The following LEPR variants were observed in gnomAD, a reference collection of about 807,000 sequenced individuals.
LEPR encodes leptin receptor, also known as OB receptor.
In LEPR, 56 loss-of-function variants were observed where a neutral mutation model predicts 114.7. The ratio of observed to expected loss-of-function variants is 0.49; its 90% CI spans 0.39 to 0.61. LEPR has a LOEUF of 0.61. Ranked by LOEUF, LEPR falls within the 20% of genes least tolerant of loss-of-function variation. The pLI is 0.00. For missense variants in LEPR, 1,202 were observed against 1,352.9 expected, an observed-to-expected ratio of 0.89 and a Z score of 1.75; for synonymous variants, 443 against 461.4, an observed-to-expected ratio of 0.96 and a Z score of 0.51.
chr1:65,524,007 C>T (rs192609398), intron 2 of LEPR, among the ~76,000 whole-genome samples: 121 of 152,140 alleles, frequency 8.0e-4, no homozygotes, highest in Non-Finnish European at 1.4e-3. Flanking sequence ...GGCCACAAGC[C>T]AAAGAATTCC....
At chr1:65,636,103 C>A in intron 19 of LEPR, 88 bp from the exon 20 acceptor site, 1 of 1,437,980 alleles carries the variant, frequency 7.0e-7, no homozygotes, top group South Asian at 1.2e-5. Context: ...TTATTATTAA[C>A]TTAACACACT....
chr1:65,525,875 A>T, intron 2 of LEPR: 1 of 974,264 alleles, frequency 1.0e-6, no homozygotes, highest in Non-Finnish European at 1.2e-6. Context: ...CGCTCTGGGT[A>T]ACTCGAGAAT....
chr1:65,477,869 T>G (rs1002217836), intron 2 of LEPR, among the ~76,000 whole-genome samples: 9 of 152,228 alleles, frequency 5.9e-5, no homozygotes, highest in African/African-American at 2.2e-4. Flanking sequence ...CTGCTTTCAG[T>G]GCTATTTAGT....
intron 2 of LEPR, among the ~76,000 whole-genome samples, chr1:65,515,481 A>AT (rs1265076943): frequency 6.6e-6 from 1 of 152,158 alleles, no homozygotes; most frequent in East Asian, 1.9e-4. Context: ...TCTCATATTT[A>AT]TTTTTTAATA....
chr1:65,627,196 T>C (rs560003181), intron 19 of LEPR, among the ~76,000 whole-genome samples: 2 of 152,290 alleles, frequency 1.3e-5, no homozygotes, highest in South Asian at 4.1e-4. Flanking sequence ...ACCCGTGCCA[T>C]CAGTTCCATA....
chr1:65,635,915 A>C (rs1170971754), intron 19 of LEPR, among the ~76,000 whole-genome samples: 1 of 152,178 alleles, frequency 6.6e-6, no homozygotes, highest in Non-Finnish European at 1.5e-5. Flanking sequence ...AGAGATGATG[A>C]AATTGAAAGG....
intron 5 of LEPR, among the ~76,000 whole-genome samples, chr1:65,590,131 T>G (rs1247343488): frequency 6.6e-6 from 1 of 151,864 alleles, no homozygotes; most frequent in Non-Finnish European, 1.5e-5. Context: ...GTGCAGATCC[T>G]AAACATCTTT....
intron 2 of LEPR, among the ~76,000 whole-genome samples, chr1:65,491,994 T>A (rs1378266852): frequency 1.3e-5 from 2 of 152,156 alleles, no homozygotes; most frequent in Non-Finnish European, 2.9e-5. Flanking sequence ...AAGAATACTG[T>A]TTCTACCCAT....
At chr1:65,429,198 G>C (rs973748892) in intron 2 of LEPR, among the ~76,000 whole-genome samples, 1 of 152,112 alleles carries the variant, frequency 6.6e-6, no homozygotes, top group Non-Finnish European at 1.5e-5. Flanking sequence ...AAAGGAATCT[G>C]TCAGTTTAGA....
chr1:65,614,220 G>A (rs1450946240), intron 14 of LEPR, among the ~76,000 whole-genome samples: 1 of 152,108 alleles, frequency 6.6e-6, no homozygotes, highest in Non-Finnish European at 1.5e-5. Flanking sequence ...AAAATGAAAC[G>A]ATTCTGTATA....
intron 19 of LEPR, chr1:65,630,306 A>T (rs941691214): frequency 7.6e-6 from 2 of 264,258 alleles, no homozygotes; most frequent in Non-Finnish European, 1.5e-5. Context: ...TGCATAGGAA[A>T]ACCAGAGACC....
At chr1:65,442,945 A>T (rs1004094249) in intron 2 of LEPR, among the ~76,000 whole-genome samples, 2 of 152,234 alleles carry the variant, frequency 1.3e-5, no homozygotes, top group South Asian at 2.1e-4. Flanking sequence ...TAGAGGGAAG[A>T]AGTACCAGCC....
chr1:65,604,366 A>C (rs1259363316), intron 10 of LEPR, among the ~76,000 whole-genome samples: 2 of 151,806 alleles, frequency 1.3e-5, no homozygotes, highest in African/African-American at 4.8e-5. Flanking sequence ...TTTGTTTTTG[A>C]GACAGTCTCC....
chr1:65,572,293 T>TC (rs2100812984), intron 4 of LEPR, 33 bp from the exon 5 acceptor site: 1 of 1,055,554 alleles, frequency 9.5e-7, no homozygotes, highest in Admixed American at 3.4e-5. Context: ...TGTAGTTGTT[T>TC]TTTTTTTTTT....
chr1:65,437,513 CAGTCACAAAAGGCCATAAAA>C (rs1361976926), intron 2 of LEPR, among the ~76,000 whole-genome samples: 3 of 151,664 alleles, frequency 2.0e-5, no homozygotes, highest in Non-Finnish European at 2.9e-5. Context: ...TGAAAAGAGC[CAGTCACAAAAGGCCATAAAA>C]GGTCACAAAA....
intron 2 of LEPR, among the ~76,000 whole-genome samples, chr1:65,529,783 C>G (rs913201684): frequency 1.1e-4 from 17 of 152,180 alleles, no homozygotes; most frequent in African/African-American, 3.4e-4. Context: ...GGTTATTACT[C>G]TGCTCCTTGA....
chr1:65,633,932 C>T lies in LEPR; in HGVS notation c.2674-2259C>T, dbSNP rs1203725176. 2.0e-6 allele frequency: 2 copies of T among 985,412 alleles called. No homozygotes were observed. The highest frequency in any genetic ancestry group is 4.7e-5 in the South Asian group (1 of 21,288). 61.0% of individuals were successfully genotyped at this position (985,412 alleles called of 1,614,324 possible). On this transcript the variant is annotated intron_variant, in intron 19 of 19. Transcript: ENST00000349533. This position sits in a 1 kb window ranked among gnomAD's most constrained non-coding sequence, Gnocchi z 4.1. ...GATTGACGGGACCAGAAGGGAACAT[C>T]GACTTCTAATCCAGCTTTCTTGTTT... is the stretch of plus-strand genomic sequence containing the variant.
intron 2 of LEPR, among the ~76,000 whole-genome samples, chr1:65,487,506 A>C (rs1647555783): frequency 6.6e-6 from 1 of 151,914 alleles, no homozygotes; most frequent in African/African-American, 2.4e-5. Flanking sequence ...ATCTTATATA[A>C]ATTTAAATCT....
chr1:65,454,889 G>T (rs1055888362), intron 2 of LEPR, among the ~76,000 whole-genome samples: 1 of 152,150 alleles, frequency 6.6e-6, no homozygotes, highest in Non-Finnish European at 1.5e-5. Flanking sequence ...TTCCAACTTG[G>T]TTCCATTCTC....
Sources: gnomAD v4.1 joint callset for allele counts (sites outside exome capture counted in the v4.1 genomes callset) on GRCh38, gnomAD v4.1.1 for gene constraint, Gnocchi (gnomAD v3.1) non-coding constraint, MANE v1.5 for transcripts, NCBI Gene and HGNC (gene_info 2026-07-23, HGNC 2026-07-21) for gene names.